Variants in HADHB observed in about 807,000 individuals in gnomAD.
HADHB encodes hydroxyacyl-CoA dehydrogenase trifunctional multienzyme complex subunit beta, also known as trifunctional enzyme subunit beta, mitochondrial.
In HADHB, 50 loss-of-function variants were observed where a neutral mutation model predicts 61.9. The ratio of observed to expected loss-of-function variants is 0.81; its 90% CI spans 0.64 to 1.02. The LOEUF is 1.02. Among genes scored for constraint, HADHB ranks in the 50% least tolerant of loss-of-function variants. HADHB has a pLI of 0.00. For missense variants in HADHB, 504 were observed against 586.5 expected, an observed-to-expected ratio of 0.86 and a Z score of 1.45; for synonymous variants, 191 against 201.6, an observed-to-expected ratio of 0.95 and a Z score of 0.45.
At chr2:26,254,931 A>G (rs1671546300) in intron 3 of HADHB, 1 of 173,160 alleles carries the variant, frequency 5.8e-6, no homozygotes, top group African/African-American at 2.4e-5. Context: ...ATTAGGAACT[A>G]GTTAATAACA....
chr2:26,277,619 TG>T (rs890169155), intron 7 of HADHB, among the ~76,000 whole-genome samples: 4 of 152,186 alleles, frequency 2.6e-5, no homozygotes, highest in Non-Finnish European at 5.9e-5. Flanking sequence ...GTTTAAAATT[TG>T]GGGGTTCTAA....
intron 5 of HADHB, among the ~76,000 whole-genome samples, chr2:26,272,531 T>C (rs1672386796): frequency 6.6e-6 from 1 of 151,842 alleles, no homozygotes; most frequent in South Asian, 2.1e-4. Context: ...GTATTTTTAG[T>C]AGAGACGGGG....
At position 26,285,501 on chromosome 2, in the gene HADHB, C is replaced by G. The variant is rs370682967; in HGVS notation, c.1319C>G (p.Ala440Gly). 1.1e-5 allele frequency: 17 copies of G among 1,613,792 alleles called. No homozygotes were observed. In the Admixed American group the frequency reaches 1.2e-4, roughly 11 times the overall value. Residue 440 changes from alanine to glycine, a missense_variant, in exon 15 of 16, where the codon GCT becomes GGT. Transcript: ENST00000317799. ...FGATGCRLVM[A>G]AANRLRKEGG... ...GCCACTGGCTGCAGGTTGGTCATGG[C>G]TGCTGCCAACAGATTACGGAAAGAA...
intron 1 of HADHB, among the ~76,000 whole-genome samples, chr2:26,246,108 C>A (rs1671145577): frequency 6.6e-6 from 1 of 152,210 alleles, no homozygotes; most frequent in African/African-American, 2.4e-5. Flanking sequence ...CTGACCACTT[C>A]TGAATAAATT....
chr2:26,288,503 G>A (rs1484348985), intron 15 of HADHB, among the ~76,000 whole-genome samples: 2 of 151,622 alleles, frequency 1.3e-5, no homozygotes. Context: ...GAGCTCAGGA[G>A]TTCGAGACCA....
intron 4 of HADHB, among the ~76,000 whole-genome samples, chr2:26,264,109 AT>A (rs1256590161): frequency 6.6e-6 from 1 of 152,166 alleles, no homozygotes; most frequent in South Asian, 2.1e-4. Context: ...TTCTGTTTAG[AT>A]TGTTTTAATG....
chr2:26,252,701 A>T (rs1266987230), intron 1 of HADHB, among the ~76,000 whole-genome samples: 1 of 152,224 alleles, frequency 6.6e-6, no homozygotes, highest in Admixed American at 6.5e-5. Flanking sequence ...AGTATTTCAC[A>T]GGGGTGTTGT....
chr2:26,279,447 T>A (rs1215579345), intron 9 of HADHB, 132 bp downstream of exon 9: 6 of 711,788 alleles, frequency 8.4e-6, no homozygotes, highest in Non-Finnish European at 1.5e-5. Context: ...TTCTTAAATA[T>A]GGATGCAAAT....
chr2:26,287,046 T>TTA (rs1359605291), intron 15 of HADHB, among the ~76,000 whole-genome samples: 2 of 151,116 alleles, frequency 1.3e-5, no homozygotes, highest in Non-Finnish European at 3.0e-5. Context: ...TCTACTAAAA[T>TTA]TATAAAAACT....
At chr2:26,278,041 T>A (rs1315172521) in intron 7 of HADHB, among the ~76,000 whole-genome samples, 1 of 152,198 alleles carries the variant, frequency 6.6e-6, no homozygotes, top group Non-Finnish European at 1.5e-5. Flanking sequence ...CCTGAAAGAT[T>A]TAGTAATCAT....
rs187738397 is a variant in HADHB at position 26,248,281 on chromosome 2, G to T, written c.-9+3291G>T. On this transcript the variant is annotated intron_variant, in intron 1 of 15. Coordinates refer to ENST00000317799, the MANE Select transcript of HADHB (RefSeq NM_000183.3). ...ACTGCCAAACAGTATTCCATGGTGT[G>T]TTTATACTATAACTTACTTAACTGT... Among the ~76,000 whole-genome samples, 445 of 152,018 alleles carry T rather than the reference G, an allele frequency of 2.9e-3. 3 individuals are homozygous for T. The highest frequency in any genetic ancestry group is 9.2e-3 in the African/African-American group (382 of 41,450).
At chr2:26,274,397 A>G (rs1672461593) in intron 6 of HADHB, among the ~76,000 whole-genome samples, 1 of 152,228 alleles carries the variant, frequency 6.6e-6, no homozygotes, top group Non-Finnish European at 1.5e-5. Context: ...CACCAAAAGC[A>G]CATTTCATTG....
chr2:26,256,465 G>A (rs1013481329), intron 3 of HADHB, among the ~76,000 whole-genome samples: 8 of 152,064 alleles, frequency 5.3e-5, no homozygotes, highest in Admixed American at 1.3e-4. Context: ...AAATGTAAGT[G>A]TCTGATGGAA....
At chr2:26,278,461 T>G (rs948390021) in intron 7 of HADHB, among the ~76,000 whole-genome samples, 153 bp from the exon 8 acceptor site, 5 of 152,276 alleles carry the variant, frequency 3.3e-5, no homozygotes, top group Admixed American at 2.6e-4. Context: ...TTAAGAAAAT[T>G]ACCTTAATTC....
chr2:26,262,279 T>G (rs1446277007), intron 3 of HADHB, among the ~76,000 whole-genome samples: 1 of 152,134 alleles, frequency 6.6e-6, no homozygotes, highest in Non-Finnish European at 1.5e-5. Flanking sequence ...ATTCCAACAT[T>G]AACAAAAACA....
rs1018820638 is a variant in HADHB at position 26,254,333 on chromosome 2, A to G, written c.64+15A>G. 5 of 1,519,290 alleles carry G rather than the reference A, an allele frequency of 3.3e-6. No homozygotes were observed. The East Asian group carries it at 9.0e-5, about 27-fold the overall frequency. 94.1% of individuals were successfully genotyped at this position (1,519,290 alleles called of 1,614,324 possible). A position where few individuals can be genotyped will look rare whatever the true frequency, so the allele number is the denominator to read the frequency against. On this transcript the variant is annotated intron_variant, in intron 2 of 15. Coordinates refer to ENST00000317799, the MANE Select transcript of HADHB (RefSeq NM_000183.3). Reference sequence around the variant, plus strand: ...CCTCAGATTTTGTAAGTTTATTATTATTTTTTTATTTTTAGAGATTGGATT... The same window carrying G: ...CCTCAGATTTTGTAAGTTTATTATTGTTTTTTTATTTTTAGAGATTGGATT...
chr2:26,258,591 G>A (rs35488195), intron 3 of HADHB, among the ~76,000 whole-genome samples: 53,171 of 152,156 alleles, frequency 0.35, 11,948 homozygotes, highest in Non-Finnish European at 0.5. Flanking sequence ...GGCGAACAGC[G>A]GGTCTGTGAC....
At chr2:26,285,682 G>GGTGGGGA (rs1672996488) in intron 15 of HADHB, 111 bp downstream of exon 15, 1 of 740,718 alleles carries the variant, frequency 1.4e-6, no homozygotes, top group African/African-American at 1.8e-5. Context: ...ATGACCTGGG[G>GGTGGGGA]GTGGGGAGTG....
At chr2:26,270,192 A>AGCTACCTGTG (rs1309645626) in intron 5 of HADHB, among the ~76,000 whole-genome samples, 195 bp downstream of exon 5, 1 of 152,182 alleles carries the variant, frequency 6.6e-6, no homozygotes, top group East Asian at 1.9e-4. Flanking sequence ...ATGCTACCTT[A>AGCTACCTGTG]GCTAGCCACA....
Sources: allele counts gnomAD v4.1 joint callset (sites outside exome capture counted in the v4.1 genomes callset), GRCh38; gene constraint gnomAD v4.1.1; transcripts MANE v1.5; gene names NCBI Gene and HGNC (gene_info 2026-07-23, HGNC 2026-07-21).